The following ZFHX3 variants were observed in gnomAD, a reference collection of about 807,000 sequenced individuals.
ZFHX3 encodes zinc finger homeobox protein 3.
Under a neutral mutation model 279.1 loss-of-function variants are expected in ZFHX3, and 42 were observed. The observed-to-expected ratio is 0.15, with a 90% confidence interval of 0.12 to 0.19. The LOEUF (loss-of-function observed/expected upper bound fraction) is 0.19. Among genes scored for constraint, ZFHX3 ranks in the 10% least tolerant of loss-of-function variants. ZFHX3 has a pLI of 1.00. For missense variants in ZFHX3, 4,981 were observed against 4,754.0 expected, an observed-to-expected ratio of 1.05 and a Z score of -1.40; for synonymous variants, 2,293 against 1,957.8, an observed-to-expected ratio of 1.17 and a Z score of -4.52.
At chr16:73,385,509 C>T (rs566924164) in intron 3 of ZFHX3, among the ~76,000 whole-genome samples, 22 of 152,218 alleles carry the variant, frequency 1.4e-4, no homozygotes, top group Non-Finnish European at 2.6e-4. Flanking sequence ...CAGCTCATGT[C>T]AAAACAGTCC....
At chr16:73,654,183 CAA>C (rs35720246) in intron 2 of ZFHX3, among the ~76,000 whole-genome samples, 9 of 88,994 alleles carry the variant, frequency 1.0e-4, no homozygotes, top group Non-Finnish European at 9.7e-5. Context: ...GACTCAGTCT[CAA>C]AAAAAAAAAA....
At chr16:72,945,929 C>A (rs1389942841) in intron 3 of ZFHX3, among the ~76,000 whole-genome samples, 1 of 152,124 alleles carries the variant, frequency 6.6e-6, no homozygotes, top group Non-Finnish European at 1.5e-5. Flanking sequence ...CCAGCACACC[C>A]ACAGAGGAGC....
At chr16:72,807,533 C>T (rs1334485945) in intron 7 of ZFHX3, 1 of 152,214 alleles carries the variant, frequency 6.6e-6, no homozygotes, top group Admixed American at 6.5e-5. Context: ...ACTGCAGGTT[C>T]CTGAAAGCTG....
intron 3 of ZFHX3, among the ~76,000 whole-genome samples, chr16:73,343,461 A>T (rs1159313326): frequency 2.6e-5 from 4 of 152,202 alleles, no homozygotes; most frequent in African/African-American, 7.2e-5. Flanking sequence ...GCGGTGGCTC[A>T]CACCTGTAAT....
chr16:73,335,575 T>A (rs747658937), intron 3 of ZFHX3, among the ~76,000 whole-genome samples: 3 of 152,218 alleles, frequency 2.0e-5, no homozygotes, highest in African/African-American at 4.8e-5. Flanking sequence ...CTACTGTTCG[T>A]TGCCAATGAA....
intron 2 of ZFHX3, among the ~76,000 whole-genome samples, chr16:73,531,094 T>A (rs1258632100): frequency 1.3e-5 from 2 of 152,240 alleles, no homozygotes; most frequent in Non-Finnish European, 2.9e-5. Context: ...AACTTACCAG[T>A]TGCATGGCTT....
chr16:72,970,414 T>A (rs1452212787), intron 1 of ZFHX3, among the ~76,000 whole-genome samples: 3 of 152,118 alleles, frequency 2.0e-5, no homozygotes, highest in Non-Finnish European at 4.4e-5. Context: ...CTACCCTGAG[T>A]CACGTGGAGG....
intron 5 of ZFHX3, among the ~76,000 whole-genome samples, chr16:72,823,784 C>G (rs1045278363): frequency 2.6e-5 from 4 of 152,126 alleles, no homozygotes; most frequent in African/African-American, 9.7e-5. Context: ...TGCCACTTTA[C>G]AGATTTGGAA....
At chr16:73,300,553 G>C (rs888464694) in intron 4 of ZFHX3, among the ~76,000 whole-genome samples, 20 of 152,180 alleles carry the variant, frequency 1.3e-4, no homozygotes, top group Middle Eastern at 3.4e-3. Context: ...ACCCAGGCTG[G>C]AATGCAATGG....
chr16:73,297,218 G>A (rs1397591909), intron 4 of ZFHX3, among the ~76,000 whole-genome samples: 1 of 151,916 alleles, frequency 6.6e-6, no homozygotes, highest in Non-Finnish European at 1.5e-5. Flanking sequence ...TATGGAAACT[G>A]AGGTTAAGAA....
chr16:73,053,487 G>A (rs1475021779), intron 1 of ZFHX3, among the ~76,000 whole-genome samples: 2 of 152,088 alleles, frequency 1.3e-5, no homozygotes, highest in African/African-American at 4.8e-5. Context: ...GGTGGGTGGG[G>A]GCATGGAGAA....
chr16:72,809,845 T>C (rs577203777), intron 7 of ZFHX3: 1 of 151,844 alleles, frequency 6.6e-6, no homozygotes, highest in Non-Finnish European at 1.5e-5. Flanking sequence ...AGAATAATTC[T>C]CTTTGGTGGT....
chr16:72,987,137 G>A (rs1431241530), intron 1 of ZFHX3, among the ~76,000 whole-genome samples: 4 of 152,032 alleles, frequency 2.6e-5, no homozygotes, highest in African/African-American at 9.7e-5. Context: ...CGCCAGCCTG[G>A]GCAACAAAGT....
chr16:73,244,796 G>A (rs1034325051), intron 5 of ZFHX3, among the ~76,000 whole-genome samples: 1 of 152,146 alleles, frequency 6.6e-6, no homozygotes, highest in African/African-American at 2.4e-5. Flanking sequence ...CCAGCAGCAG[G>A]GACAGAGCAG....
rs571942379 is a variant in ZFHX3, at chr16:72,975,944, T to G, written c.-49-15750A>C. ...CACTGCTAAGACAGAACAATTGAGT[T>G]TGGGAATGAGTGTGGTTACATATTT... On this transcript the variant is annotated intron_variant, in intron 1 of 9. Coordinates refer to ENST00000268489, the MANE Select transcript of ZFHX3 (RefSeq NM_006885.4). Among the ~76,000 whole-genome samples, 171 of 152,262 alleles carry G rather than the reference T, an allele frequency of 1.1e-3. 1 individual carries two copies. In the Middle Eastern group the frequency reaches 0.014, roughly 12 times the overall value.
At chr16:72,985,169 C>T (rs1433983289) in intron 1 of ZFHX3, among the ~76,000 whole-genome samples, 6 of 152,140 alleles carry the variant, frequency 3.9e-5, no homozygotes, top group Non-Finnish European at 8.8e-5. Flanking sequence ...AGCTGCTCTC[C>T]TAAACTGTCC....
chr16:73,288,020 C>T (rs2014673456), intron 4 of ZFHX3, among the ~76,000 whole-genome samples: 1 of 152,092 alleles, frequency 6.6e-6, no homozygotes, highest in Non-Finnish European at 1.5e-5. Context: ...AGAGCGTCCC[C>T]AGCATCTGGG....
chr16:73,555,359 T>C (rs894933683), intron 2 of ZFHX3, among the ~76,000 whole-genome samples: 1 of 151,956 alleles, frequency 6.6e-6, no homozygotes, highest in African/African-American at 2.4e-5. Context: ...TTTCACAGTG[T>C]CAGCCAGGAT....
intron 1 of ZFHX3, among the ~76,000 whole-genome samples, chr16:72,983,052 G>A (rs1251736750): frequency 1.3e-5 from 2 of 152,102 alleles, no homozygotes; most frequent in African/African-American, 4.8e-5. Flanking sequence ...CAGAAAAGAA[G>A]GAAACCGGCT....
Sources: gnomAD v4.1 joint callset for allele counts (sites outside exome capture counted in the v4.1 genomes callset) on GRCh38, gnomAD v4.1.1 for gene constraint, MANE v1.5 for transcripts, NCBI Gene and HGNC (gene_info 2026-07-23, HGNC 2026-07-21) for gene names.